XKR6: variants seen among roughly 807,000 people sequenced by gnomAD.
XKR6 encodes the protein XK related 6.
A neutral mutation model predicts 56.7 loss-of-function variants in XKR6; 22 were observed. That is an observed-to-expected ratio of 0.39 (90% CI 0.28 to 0.55). The LOEUF (loss-of-function observed/expected upper bound fraction) is 0.55. Among genes scored for constraint, XKR6 ranks in the 20% least tolerant of loss-of-function variants. XKR6 has a pLI of 0.66. For missense variants in XKR6, 852 were observed against 889.0 expected, an observed-to-expected ratio of 0.96 and a Z score of 0.53; for synonymous variants, 524 against 387.8, an observed-to-expected ratio of 1.35 and a Z score of -4.13.
intron 1 of XKR6, among the ~76,000 whole-genome samples, chr8:10,950,313 C>T (rs940578209): frequency 5.4e-4 from 83 of 152,342 alleles, no homozygotes; most frequent in African/African-American, 1.8e-3. Flanking sequence ...GGTGCAGGCC[C>T]AAGCTCAGAA....
chr8:10,935,986 T>C (rs1218593220), intron 1 of XKR6, among the ~76,000 whole-genome samples: 1 of 150,408 alleles, frequency 6.6e-6, no homozygotes, highest in African/African-American at 2.4e-5. Context: ...ATCTGTCTAA[T>C]GTTGACAGTG....
chr8:11,106,182 G>A (rs1427033367), intron 1 of XKR6: 1 of 152,174 alleles, frequency 6.6e-6, no homozygotes, highest in Non-Finnish European at 1.5e-5. Flanking sequence ...TACATACCTG[G>A]ATAGTCAATG....
At chr8:11,135,487 G>A (rs1306517784) in intron 1 of XKR6, among the ~76,000 whole-genome samples, 1 of 152,114 alleles carries the variant, frequency 6.6e-6, no homozygotes, top group Non-Finnish European at 1.5e-5. Context: ...TAACAATTAG[G>A]ACTGGAAGAC....
chr8:10,990,637 C>T (rs1251332236), intron 1 of XKR6, among the ~76,000 whole-genome samples: 1 of 152,142 alleles, frequency 6.6e-6, no homozygotes, highest in African/African-American at 2.4e-5. Context: ...TGTCACCCAA[C>T]TGTGCAATCA....
Position 11,116,531 on chromosome 8 carries a change from T to G in XKR6, c.764+84045A>C, listed in dbSNP as rs150316746. Among the ~76,000 whole-genome samples, 661 of 152,226 alleles carry G rather than the reference T, an allele frequency of 4.3e-3. 6 individuals are homozygous for G. The highest frequency in any genetic ancestry group is 0.013 in the African/African-American group (548 of 41,538). On this transcript the variant is annotated intron_variant, in intron 1 of 2. Coordinates refer to ENST00000416569, the MANE Select transcript of XKR6 (RefSeq NM_173683.4). Reference sequence around the variant, plus strand: ...GATTACAGGGGCCCATCGCCACACCTGGCTAATTTTTGCATTTTTAGTAGA... The same window carrying G: ...GATTACAGGGGCCCATCGCCACACCGGGCTAATTTTTGCATTTTTAGTAGA...
chr8:11,084,038 G>A (rs772499044), intron 1 of XKR6, among the ~76,000 whole-genome samples: 29 of 152,180 alleles, frequency 1.9e-4, no homozygotes, highest in Non-Finnish European at 3.5e-4. Flanking sequence ...CTAAGTCCTG[G>A]CTTCCAGCCC....
At chr8:11,170,669 A>T (rs1282387739) in intron 1 of XKR6, among the ~76,000 whole-genome samples, 6 of 152,222 alleles carry the variant, frequency 3.9e-5, no homozygotes, top group African/African-American at 1.4e-4. Context: ...AAACAATCGC[A>T]CAATCTAAGT....
intron 1 of XKR6, among the ~76,000 whole-genome samples, chr8:11,134,017 T>C (rs1440330000): frequency 1.3e-5 from 2 of 152,190 alleles, no homozygotes; most frequent in East Asian, 3.8e-4. Flanking sequence ...CTTCCCCTAA[T>C]GCATCCTTCA....
At chr8:11,084,384 T>C (rs1797816650) in intron 1 of XKR6, among the ~76,000 whole-genome samples, 1 of 152,208 alleles carries the variant, frequency 6.6e-6, no homozygotes, top group South Asian at 2.1e-4. Context: ...TAAGGCTGAA[T>C]CACTTAGCAC....
Position 10,898,508 on chromosome 8 carries a change from G to T in XKR6, c.1370C>A (p.Thr457Lys). Reference sequence around the variant, plus strand: ...GTCTCTGTAAAAATACCAAAGGAACGTCAAGGCAGCATTCTCGGTCAAGAC... The same window carrying T: ...GTCTCTGTAAAAATACCAAAGGAACTTCAAGGCAGCATTCTCGGTCAAGAC... ...TIVLTENAAL[T>K]FLWYFYRDPE... The change falls in exon 3 of 3, where the codon ACG becomes AAG. Residue 457 changes from threonine to lysine, a missense_variant. Transcript: ENST00000416569. This position sits in a 1 kb window ranked among gnomAD's most constrained non-coding sequence, Gnocchi z 6.6. 1 of 1,613,936 alleles carries T rather than the reference G, an allele frequency of 6.2e-7. No individual in the cohort carries two copies. Among genetic ancestry groups the T allele is most frequent in the Non-Finnish European group, 8.5e-7 (1 of 1,179,986 alleles).
At chr8:10,987,654 AC>A (rs1797892693) in intron 1 of XKR6, among the ~76,000 whole-genome samples, 1 of 152,164 alleles carries the variant, frequency 6.6e-6, no homozygotes. Context: ...CTGTAATCAT[AC>A]CCTGTCTCTT....
rs537563564 is a variant in XKR6, at chr8:11,044,426, C to T, written c.765-119596G>A. On this transcript the variant is annotated intron_variant, in intron 1 of 2. Transcript: ENST00000416569. ...GTTTTCAACCAGTGGTTGCACTTCCCGCCTGCAGTTTGCGATCTCCTTCTT... is the reference window on the plus strand; with the variant it reads ...GTTTTCAACCAGTGGTTGCACTTCCTGCCTGCAGTTTGCGATCTCCTTCTT... 3.9e-4 allele frequency among the ~76,000 whole-genome samples: 59 copies of T among 152,306 alleles called. 1 individual carries two copies. Among genetic ancestry groups the T allele is most frequent in the Admixed American group, 3.4e-3 (52 of 15,304 alleles).
At chr8:11,183,602 T>G (rs1442374477) in intron 1 of XKR6, among the ~76,000 whole-genome samples, 1 of 152,124 alleles carries the variant, frequency 6.6e-6, no homozygotes, top group African/African-American at 2.4e-5. Flanking sequence ...GGATTACAGG[T>G]ATGAGCCAGC....
chr8:11,114,773 G>GTGTGTGTGTGTATATA (rs34746866), intron 1 of XKR6, among the ~76,000 whole-genome samples: 3 of 146,502 alleles, frequency 2.0e-5, no homozygotes, highest in Non-Finnish European at 4.5e-5. Flanking sequence ...GTGTGTGTGT[G>GTGTGTGTGTGTATATA]TATGTGCCAG....
chr8:11,043,531 C>CCAG (rs1478464113), intron 1 of XKR6, among the ~76,000 whole-genome samples: 2 of 152,220 alleles, frequency 1.3e-5, no homozygotes, highest in Non-Finnish European at 2.9e-5. Context: ...AGTCTCTGCC[C>CCAG]CAGCAGCTGC....
At chr8:11,059,057 G>C (rs932817522) in intron 1 of XKR6, among the ~76,000 whole-genome samples, 2 of 151,818 alleles carry the variant, frequency 1.3e-5, no homozygotes, top group Non-Finnish European at 2.9e-5. Context: ...AAGCGGGGCA[G>C]GACCAGGCTC....
At position 11,200,828 on chromosome 8, in the gene XKR6, A is replaced by G. The variant is rs1290427292; in HGVS notation, c.512T>C (p.Val171Ala). 6.2e-7 allele frequency: 1 copy of G among 1,611,912 alleles called. No individual in the cohort carries two copies. The change falls in exon 1 of 3, where the codon GTG (valine) becomes GCG (alanine). Residue 171 changes from valine to alanine, a missense_variant. By Grantham distance (64) the Val-to-Ala change is moderately conservative. Coordinates refer to ENST00000416569, the MANE Select transcript of XKR6 (RefSeq NM_173683.4). This position sits in a 1 kb window ranked among gnomAD's most constrained non-coding sequence, Gnocchi z 6.4. ...CAGGCTCTGCACCAGCAGCGACGGC[A>G]CCAGCACGAAGAAGAGGGTCAGCCC... is the stretch of plus-strand genomic sequence containing the variant. ...YFGLTLFFVLVPSLLVQSLSF... is the reference protein window; with the variant it reads ...YFGLTLFFVLAPSLLVQSLSF...
Position 11,187,143 on chromosome 8 carries a change from A to T in XKR6, c.764+13433T>A, listed in dbSNP as rs575234111. 3.9e-4 allele frequency among the ~76,000 whole-genome samples: 60 copies of T among 152,330 alleles called. 1 individual carries two copies. The highest frequency in any genetic ancestry group is 2.4e-3 in the Admixed American group (37 of 15,304). On this transcript the variant is annotated intron_variant, in intron 1 of 2. Transcript: ENST00000416569. ...CATATTTCAAATGAACCAAAATGTA[A>T]AACCATTCCTGCTTCATGTGTGTTG... is the stretch of plus-strand genomic sequence containing the variant.
chr8:10,911,563 T>C (rs1260151502), intron 2 of XKR6, among the ~76,000 whole-genome samples: 4 of 145,520 alleles, frequency 2.7e-5, no homozygotes, highest in Non-Finnish European at 6.0e-5. Context: ...AGAGAATATC[T>C]ATATATATAT....
Sources: gnomAD v4.1 joint callset for allele counts (sites outside exome capture counted in the v4.1 genomes callset) on GRCh38, gnomAD v4.1.1 for gene constraint, Gnocchi (gnomAD v3.1) non-coding constraint, MANE v1.5 for transcripts, NCBI Gene and HGNC (gene_info 2026-07-23, HGNC 2026-07-21) for gene names.